ZNF71: variants seen among roughly 807,000 people sequenced by gnomAD.
ZNF71 encodes the protein zinc finger protein 71.
ZNF71 carries 3 observed loss-of-function variants against 6.7 expected under a neutral mutation model. The observed-to-expected ratio is 0.45, with a 90% CI of 0.20 to 1.16. The LOEUF is 1.16. Among genes scored for constraint, ZNF71 ranks in the 50% most tolerant of loss-of-function variants. The probability of loss-of-function intolerance (pLI) is 0.25; values close to 1 mark genes in which losing one functional copy is unlikely to be tolerated. For missense variants in ZNF71, 688 were observed against 728.6 expected (o/e 0.94, Z 0.64); for synonymous variants, 343 against 311.1 (o/e 1.10, Z -1.08).
intron 3 of ZNF71, 141 bp from the exon 4 acceptor site, chr19:56,621,127 C>A: frequency 1.2e-6 from 1 of 816,868 alleles, no homozygotes; most frequent in Non-Finnish European, 1.8e-6. Context: ...CTCTCTGATC[C>A]AAGGTTCTTC....
At chr19:56,614,725 G>A (rs564858540) in intron 3 of ZNF71, among the ~76,000 whole-genome samples, 90 of 152,270 alleles carry the variant, frequency 5.9e-4, no homozygotes, top group African/African-American at 2.1e-3. Flanking sequence ...CTTTTCTGGA[G>A]GTATTATTGA....
chr19:56,609,205 C>A (rs572675098), intron 2 of ZNF71, among the ~76,000 whole-genome samples: 1 of 152,058 alleles, frequency 6.6e-6, no homozygotes, highest in Admixed American at 6.5e-5. Context: ...AAAATGAATT[C>A]TCCCACTTCC....
At chr19:56,597,182 G>C (rs1448993558) in intron 1 of ZNF71, among the ~76,000 whole-genome samples, 1 of 152,048 alleles carries the variant, frequency 6.6e-6, no homozygotes, top group Non-Finnish European at 1.5e-5. Flanking sequence ...GCCCCTAAAG[G>C]TTTCATGGGC....
intron 1 of ZNF71, 130 bp from the exon 2 acceptor site, chr19:56,601,377 G>A (rs761520408): frequency 5.3e-5 from 9 of 168,972 alleles, no homozygotes; most frequent in Non-Finnish European, 9.6e-5. Context: ...CACTGTTGAT[G>A]TATGTGTATG....
intron 2 of ZNF71, among the ~76,000 whole-genome samples, chr19:56,609,392 A>G (rs547235614): frequency 7.0e-4 from 106 of 152,302 alleles, no homozygotes; most frequent in African/African-American, 2.3e-3. Context: ...AATATTTTAG[A>G]AAATTTTTAC....
At chr19:56,600,997 C>T (rs1017074617) in intron 1 of ZNF71, among the ~76,000 whole-genome samples, 2 of 152,086 alleles carry the variant, frequency 1.3e-5, no homozygotes, top group African/African-American at 4.8e-5. Context: ...TCTCAGGGGG[C>T]CTCAGTCCAG....
chr19:56,601,557 G>A lies in ZNF71; in HGVS notation c.-2G>A. The A allele has an allele frequency of 2.0e-6, 2 of 985,844 alleles. No homozygotes were observed. The highest frequency in any genetic ancestry group is 9.4e-5 in the South Asian group (2 of 21,262). The allele number at this position is 985,844 out of a possible 1,614,324, so 61.1% of individuals were successfully genotyped here. ...TTCCTATTCACCGTGGGCAGCAGAG[G>A]GATGGCTGCTCAGCTGCTGACTGAT... On this transcript the variant is annotated 5_prime_UTR_variant, in exon 2 of 4. Coordinates refer to ENST00000599599, the MANE Select transcript of ZNF71 (RefSeq NM_001370215.1).
intron 2 of ZNF71, among the ~76,000 whole-genome samples, chr19:56,608,492 C>T (rs1222572516): frequency 6.6e-6 from 1 of 152,066 alleles, no homozygotes; most frequent in Non-Finnish European, 1.5e-5. Context: ...TATGCATAGA[C>T]TGCATTTTGC....
rs199651640 is a variant in ZNF71, at chr19:56,621,587, G to A, written c.480G>A (p.Gly160=). ...PPRLDDPTEK[G]ACPPVRRGKN... ...GGCTGGACGACCCCACAGAAAAGGG[G>A]GCCTGTCCACCCGTAAGGCGTGGCA... Residue 160 remains glycine (G), a synonymous_variant, in exon 4 of 4, where the codon GGG becomes GGA. Transcript: ENST00000599599. 9 of 1,614,188 alleles carry A rather than the reference G, an allele frequency of 5.6e-6. No individual in the cohort carries two copies. The African/African-American group carries it at 8.0e-5, about 14-fold the overall frequency.
intron 2 of ZNF71, among the ~76,000 whole-genome samples, chr19:56,604,046 C>T (rs1036842656): frequency 4.0e-5 from 6 of 150,672 alleles, no homozygotes; most frequent in East Asian, 2.0e-4. Context: ...ACCCTGGTGC[C>T]AGTCTGGGCT....
At chr19:56,611,779 C>T (rs2044753693) in intron 2 of ZNF71, among the ~76,000 whole-genome samples, 1 of 152,180 alleles carries the variant, frequency 6.6e-6, no homozygotes, top group Non-Finnish European at 1.5e-5. Flanking sequence ...TTTATTCTGT[C>T]ACAGTTCTGG....
rs749107337 is a variant in ZNF71, at chr19:56,621,473, C to T, written c.366C>T (p.Pro122=). ...AGAEWEPLGI[P]QGNKLLGGSV... ...CAGAGTGGGAGCCATTGGGAATTCC[C>T]CAGGGGAACAAACTCTTAGGGGGCT... The change falls in exon 4 of 4, where the codon CCC becomes CCT. Residue 122 remains proline, a synonymous_variant. Coordinates refer to ENST00000599599, the MANE Select transcript of ZNF71 (RefSeq NM_001370215.1). The T allele has an allele frequency of 6.2e-7, 1 of 1,613,984 alleles. No homozygotes were observed. The highest frequency in any genetic ancestry group is 2.2e-5 in the East Asian group (1 of 44,846).
In ZNF71 at chr19:56,603,858, C is replaced by A. The variant is rs12977545; in HGVS notation, c.33+2267C>A. 6.6e-6 allele frequency among the ~76,000 whole-genome samples: 1 copy of A among 151,046 alleles called. No individual in the cohort carries two copies. Among genetic ancestry groups the A allele is most frequent in the Non-Finnish European group, 1.5e-5 (1 of 67,714 alleles). On this transcript the variant is annotated intron_variant, in intron 2 of 3. Coordinates refer to ENST00000599599, the MANE Select transcript of ZNF71 (RefSeq NM_001370215.1). This position sits in a 1 kb window ranked among gnomAD's most constrained non-coding sequence, Gnocchi z 4.6. The stretch of plus-strand genomic sequence containing the variant: ...AAAAATTGAGCCTGTCTGGTTTCAG[C>A]GTTTTCCCTGTGGTGAAATGGTTTG...
At position 56,622,598 on chromosome 19, in the gene ZNF71, G is replaced by C. The variant is rs757210340; in HGVS notation, c.1491G>C (p.Pro497=). ...AGCGGATCCACACCGGCGAGAAGCC[G>C]TACAGGTGCGGCCAGTGCGGGAAGT... The part of the protein sequence containing the change: ...EHQRIHTGEK[P]YRCGQCGKSF... Residue 497 remains proline (P), a synonymous_variant, in exon 4 of 4, where the codon CCG becomes CCC. Transcript: ENST00000599599. 6.2e-7 allele frequency: 1 copy of C among 1,613,424 alleles called. No individual in the cohort carries two copies. The highest frequency in any genetic ancestry group is 8.5e-7 in the Non-Finnish European group (1 of 1,179,576).
intron 1 of ZNF71, among the ~76,000 whole-genome samples, chr19:56,599,313 C>T (rs1300724904): frequency 1.4e-5 from 2 of 144,490 alleles, no homozygotes; most frequent in African/African-American, 5.1e-5. Context: ...TTGCCATTTA[C>T]TTGATTTGGC....
At position 56,617,774 on chromosome 19, in the gene ZNF71, C is replaced by G. The variant is rs564282091; in HGVS notation, c.161-3494C>G. On this transcript the variant is annotated intron_variant, in intron 3 of 3. Coordinates refer to ENST00000599599, the MANE Select transcript of ZNF71 (RefSeq NM_001370215.1). ...AGTGTTTGCTGTTTGCAGATGATCT[C>G]TACTGCAGGGTTTTAGCCTGAGAAA... Among the ~76,000 whole-genome samples the G allele has an allele frequency of 7.2e-5, 11 of 152,278 alleles. No homozygotes were observed. The East Asian group carries it at 1.9e-3, about 27-fold the overall frequency.
In ZNF71 at chr19:56,622,164, A is replaced by C. The variant is rs769532421; in HGVS notation, c.1057A>C (p.Thr353Pro). Residue 353 changes from threonine to proline, a missense_variant, in exon 4 of 4, where the codon ACC becomes CCC. Thr to Pro is a conservative substitution (Grantham distance 38, BLOSUM62 -1). Coordinates refer to ENST00000599599, the MANE Select transcript of ZNF71 (RefSeq NM_001370215.1). Reference sequence around the variant, plus strand: ...CCTGACCGAGCACCAGCGCACGCACACCGGGGAGAAGCCGTACGCCTGCAA... The same window carrying C: ...CCTGACCGAGCACCAGCGCACGCACCCCGGGGAGAAGCCGTACGCCTGCAA... The part of the protein sequence containing the change: ...MHLTEHQRTH[T>P]GEKPYACKEC... 6 of 1,613,638 alleles carry C rather than the reference A, an allele frequency of 3.7e-6. No homozygotes were observed. The Admixed American group carries it at 6.7e-5, about 18-fold the overall frequency.
At chr19:56,601,997 C>G (rs974107094) in intron 2 of ZNF71, among the ~76,000 whole-genome samples, 5 of 152,202 alleles carry the variant, frequency 3.3e-5, no homozygotes, top group African/African-American at 1.2e-4. Flanking sequence ...ATGAGGCCCA[C>G]AAATTCACCC....
At chr19:56,619,123 A>G (rs543061266) in intron 3 of ZNF71, among the ~76,000 whole-genome samples, 1 of 152,160 alleles carries the variant, frequency 6.6e-6, no homozygotes, top group Non-Finnish European at 1.5e-5. Context: ...CTCTAAAACA[A>G]TTTTTTAAAT....
Sources: allele counts gnomAD v4.1 joint callset (sites outside exome capture counted in the v4.1 genomes callset), GRCh38; gene constraint gnomAD v4.1.1; non-coding constraint Gnocchi (gnomAD v3.1); transcripts MANE v1.5; gene names NCBI Gene and HGNC (gene_info 2026-07-23, HGNC 2026-07-21).